PDS5A: variants seen among roughly 807,000 people sequenced by gnomAD.
The protein encoded by PDS5A is PDS5 cohesin associated factor A, also known as sister chromatid cohesion protein PDS5 homolog A.
A neutral mutation model predicts 167.1 loss-of-function variants in PDS5A; 42 were observed. The observed-to-expected ratio is 0.25, with a 90% CI of 0.20 to 0.33. The LOEUF is 0.33. Among genes scored for constraint, PDS5A ranks in the 10% least tolerant of loss-of-function variants. The probability of loss-of-function intolerance (pLI) is 1.00; values close to 1 mark genes in which losing one functional copy is unlikely to be tolerated. For synonymous variants in PDS5A, 553 were observed against 554.6 expected, an observed-to-expected ratio of 1.00 and a Z score of 0.04; for missense variants, 1,033 against 1,605.9, an observed-to-expected ratio of 0.64 and a Z score of 6.10.
intron 11 of PDS5A, among the ~76,000 whole-genome samples, chr4:39,904,906 A>G (rs1183247057): frequency 6.6e-6 from 1 of 152,252 alleles, no homozygotes. Flanking sequence ...AGAAGTGATT[A>G]TAATTCCCCT....
rs758009800 is a variant in PDS5A, at chr4:39,848,977, AG to A, written c.3220-8del. ...CACATACTGTATACAGTTTCTAGGGAGGAAAACGAATCATATATAACTTTTA... is the reference window on the plus strand; with the variant it reads ...CACATACTGTATACAGTTTCTAGGGAGAAAACGAATCATATATAACTTTTA... On this transcript the variant is annotated splice_polypyrimidine_tract_variant and splice_region_variant and intron_variant, in intron 27 of 32. Transcript: ENST00000303538. 2 of 1,562,290 alleles carry A rather than the reference AG, an allele frequency of 1.3e-6. No homozygotes were observed. Among genetic ancestry groups the A allele is most frequent in the African/African-American group, 2.7e-5 (2 of 73,722 alleles).
In PDS5A at chr4:39,913,836, G is replaced by A. The variant is rs560379577; in HGVS notation, c.877-110C>T. 53 of 672,950 alleles carry A rather than the reference G, an allele frequency of 7.9e-5. No homozygotes were observed. In the African/African-American group the frequency reaches 8.0e-4, roughly 10 times the overall value. The allele number at this position is 672,950 out of a possible 1,614,324, so 41.7% of individuals were successfully genotyped here. On this transcript the variant is annotated intron_variant, in intron 8 of 32. Transcript: ENST00000303538. ...ATTTCATATTTCTGCTTATAACTGT[G>A]AGAAGTTTAAAATATCATATGTCCT...
intron 32 of PDS5A, among the ~76,000 whole-genome samples, chr4:39,833,027 A>T (rs1013165548): frequency 1.1e-4 from 17 of 148,748 alleles, no homozygotes; most frequent in African/African-American, 2.2e-4. Flanking sequence ...TAAATAAATA[A>T]ATATATATAT....
At chr4:39,851,763 C>T (rs914245583) in intron 26 of PDS5A, among the ~76,000 whole-genome samples, 3 of 152,152 alleles carry the variant, frequency 2.0e-5, no homozygotes, top group Non-Finnish European at 4.4e-5. Flanking sequence ...ACACTGAACA[C>T]ATCGGTTCTA....
rs145889568 is a variant in PDS5A at position 39,894,938 on chromosome 4, G to C, written c.1770+3451C>G. The stretch of plus-strand genomic sequence containing the variant: ...ATGGTGGAGACAGATTTTGAGAAAT[G>C]TGTTGTTGGCCAGGCACGGTGGCTC... On this transcript the variant is annotated intron_variant, in intron 16 of 32. Coordinates refer to ENST00000303538, the MANE Select transcript of PDS5A (RefSeq NM_001100399.2). Among the ~76,000 whole-genome samples, 1,093 of 152,040 alleles carry C rather than the reference G, an allele frequency of 7.2e-3. 13 individuals are homozygous for C. Among genetic ancestry groups the C allele is most frequent in the African/African-American group, 0.024 (1,008 of 41,496 alleles).
intron 2 of PDS5A, among the ~76,000 whole-genome samples, chr4:39,951,304 G>A (rs1050317412): frequency 6.6e-6 from 1 of 152,150 alleles, no homozygotes; most frequent in Non-Finnish European, 1.5e-5. Flanking sequence ...GATGATAATT[G>A]CCAGATCTAC....
At chr4:39,963,911 CTTT>C (rs1035184282) in intron 2 of PDS5A, among the ~76,000 whole-genome samples, 3 of 151,588 alleles carry the variant, frequency 2.0e-5, no homozygotes, top group Non-Finnish European at 4.4e-5. Flanking sequence ...AAGAAATTAG[CTTT>C]TTTTTCCCCC....
At chr4:39,844,119 C>T (rs1240472809) in intron 30 of PDS5A, among the ~76,000 whole-genome samples, 6 of 151,786 alleles carry the variant, frequency 4.0e-5, no homozygotes. Context: ...CACTGCCCTC[C>T]AGCCTAAGCA....
intron 2 of PDS5A, among the ~76,000 whole-genome samples, chr4:39,941,562 T>C (rs1212533887): frequency 6.6e-6 from 1 of 152,206 alleles, no homozygotes; most frequent in Admixed American, 6.6e-5. Context: ...AGGTGAAAAC[T>C]ACAGCAGGTG....
Position 39,900,621 on chromosome 4 carries a change from A to G in PDS5A, c.1500-114T>C, listed in dbSNP as rs982651426. On this transcript the variant is annotated intron_variant, in intron 13 of 32. Transcript: ENST00000303538. ...TACACCATTCTTCTACATCTACCTAAAAGTTTAAATACCGGGAAATATATT... is the reference window on the plus strand; with the variant it reads ...TACACCATTCTTCTACATCTACCTAGAAGTTTAAATACCGGGAAATATATT... 2.2e-5 allele frequency: 15 copies of G among 668,524 alleles called. No individual in the cohort carries two copies. In the Admixed American group the frequency reaches 2.6e-4, roughly 12 times the overall value. The allele number at this position is 668,524 out of a possible 1,614,324, so 41.4% of individuals were successfully genotyped here.
At chr4:39,964,918 G>C (rs1037400428) in intron 2 of PDS5A, among the ~76,000 whole-genome samples, 1 of 152,020 alleles carries the variant, frequency 6.6e-6, no homozygotes, top group Non-Finnish European at 1.5e-5. Flanking sequence ...ACTCCAGCCT[G>C]GGTGACAGAA....
At position 39,904,054 on chromosome 4, in the gene PDS5A, G is replaced by A; in HGVS notation, c.1371C>T (p.Asn457=). 1.2e-6 allele frequency: 2 copies of A among 1,608,868 alleles called. No homozygotes were observed. The highest frequency in any genetic ancestry group is 1.7e-6 in the Non-Finnish European group (2 of 1,177,028). ...ATTAAACTCACTTGTCGTCAATGCT[G>A]TTCTGATAATAAATATGCAGAAGTT... is the stretch of plus-strand genomic sequence containing the variant. ...KDKLLHIYYQ[N]SIDDKLLVEK... is the part of the protein sequence containing the mutation. Residue 457 remains asparagine, a synonymous_variant, in exon 12 of 33, where the codon AAC becomes AAT. Transcript: ENST00000303538.
intron 32 of PDS5A, among the ~76,000 whole-genome samples, chr4:39,826,162 A>G (rs1715285497): frequency 6.6e-6 from 1 of 151,070 alleles, no homozygotes; most frequent in African/African-American, 2.4e-5. Flanking sequence ...GCATACTAAA[A>G]ACATCCCAAC....
intron 27 of PDS5A, 119 bp downstream of exon 27, chr4:39,849,401 T>C (rs1300132896): frequency 2.9e-6 from 2 of 687,272 alleles, no homozygotes; most frequent in African/African-American, 3.6e-5. Flanking sequence ...ACATTTACTT[T>C]TGTAAACATT....
At chr4:39,850,932 A>T (rs1718071231) in intron 26 of PDS5A, among the ~76,000 whole-genome samples, 1 of 152,250 alleles carries the variant, frequency 6.6e-6, no homozygotes. Context: ...AACAGGGGAG[A>T]AACTATTTGA....
intron 26 of PDS5A, among the ~76,000 whole-genome samples, 175 bp downstream of exon 26, chr4:39,862,044 T>C (rs1477283132): frequency 3.3e-5 from 5 of 152,152 alleles, no homozygotes; most frequent in East Asian, 1.9e-4. Context: ...AACCAAAACC[T>C]GGTAGATGGG....
chr4:39,973,642 G>A, intron 2 of PDS5A: 6 of 1,316,684 alleles, frequency 4.6e-6, no homozygotes, highest in Middle Eastern at 1.8e-4. Context: ...AGAAATGAAC[G>A]GTAGAACTGT....
intron 11 of PDS5A, among the ~76,000 whole-genome samples, chr4:39,905,655 A>G (rs879674857): frequency 3.3e-5 from 5 of 152,206 alleles, no homozygotes; most frequent in African/African-American, 4.8e-5. Flanking sequence ...CAAAACAAAC[A>G]GGCCAGAGGA....
intron 18 of PDS5A, among the ~76,000 whole-genome samples, 164 bp from the exon 19 acceptor site, chr4:39,877,317 A>AATCAGACATC (rs5857703): frequency 3.3e-5 from 5 of 152,108 alleles, no homozygotes. Context: ...AGTTATGGCT[A>AATCAGACATC]ATCAGAAATA....
Sources: gnomAD v4.1 joint callset for allele counts (sites outside exome capture counted in the v4.1 genomes callset) on GRCh38, gnomAD v4.1.1 for gene constraint, MANE v1.5 for transcripts, NCBI Gene and HGNC (gene_info 2026-07-23, HGNC 2026-07-21) for gene names.